AHCYL2: variants seen among roughly 807,000 people sequenced by gnomAD.
AHCYL2 encodes S-adenosylhomocysteine hydrolase-like protein 2.
A neutral mutation model predicts 81.4 loss-of-function variants in AHCYL2; 28 were observed. The ratio of observed to expected loss-of-function variants is 0.34; its 90% confidence interval spans 0.25 to 0.47. AHCYL2 has a LOEUF of 0.47. AHCYL2 is among the 20% of genes least tolerant of loss of function. AHCYL2 has a pLI of 1.00. For synonymous variants in AHCYL2, 272 were observed against 290.2 expected, an observed-to-expected ratio of 0.94 and a Z score of 0.64; for missense variants, 551 against 785.1, an observed-to-expected ratio of 0.70 and a Z score of 3.56.
At chr7:129,379,611 T>C in intron 1 of AHCYL2, 27 bp from the exon 2 acceptor site, 1 of 1,580,614 alleles carries the variant, frequency 6.3e-7, no homozygotes, top group Non-Finnish European at 8.6e-7. Flanking sequence ...TTCTTTTTCT[T>C]TATATAACTA....
At chr7:129,393,343 G>A (rs1033760419) in intron 4 of AHCYL2, among the ~76,000 whole-genome samples, 7 of 152,158 alleles carry the variant, frequency 4.6e-5, no homozygotes, top group East Asian at 1.9e-4. Context: ...GATTGAGCCC[G>A]AAAGGTCGAG....
At chr7:129,320,487 T>C (rs1406060379) in intron 1 of AHCYL2, among the ~76,000 whole-genome samples, 1 of 152,142 alleles carries the variant, frequency 6.6e-6, no homozygotes, top group East Asian at 1.9e-4. Context: ...TAGCTAATTT[T>C]TGTATTTTTA....
At position 129,255,678 on chromosome 7, in the gene AHCYL2, A is replaced by G. The variant is rs1481384929; in HGVS notation, c.363+30239A>G. 2.6e-5 allele frequency among the ~76,000 whole-genome samples: 4 copies of G among 152,312 alleles called. No individual in the cohort carries two copies. In the East Asian group the frequency reaches 5.8e-4, roughly 22 times the overall value. ...GGGTTGATGAACTCAACGGAAGTTGATGTGAATAAAAATGAAAATGAGGGC... is the reference window on the plus strand; with the variant it reads ...GGGTTGATGAACTCAACGGAAGTTGGTGTGAATAAAAATGAAAATGAGGGC... On this transcript the variant is annotated intron_variant, in intron 1 of 16. Transcript: ENST00000325006.
chr7:129,273,823 G>T (rs1482306390), intron 1 of AHCYL2, among the ~76,000 whole-genome samples: 1 of 152,070 alleles, frequency 6.6e-6, no homozygotes, highest in African/African-American at 2.4e-5. Context: ...TTGTCTGCTG[G>T]AGTGAATCCC....
chr7:129,290,541 C>A (rs1796807618), intron 1 of AHCYL2, among the ~76,000 whole-genome samples: 1 of 149,826 alleles, frequency 6.7e-6, no homozygotes, highest in Admixed American at 6.7e-5. Flanking sequence ...GACAGAGGAG[C>A]AAAGTCCAGT....
chr7:129,359,027 A>G (rs1226835301), intron 1 of AHCYL2, among the ~76,000 whole-genome samples: 1 of 152,234 alleles, frequency 6.6e-6, no homozygotes, highest in Non-Finnish European at 1.5e-5. Flanking sequence ...AAATATTTTC[A>G]TATGGGTACC....
chr7:129,405,523 G>GA (rs1056474661), intron 8 of AHCYL2: 43 of 355,956 alleles, frequency 1.2e-4, no homozygotes, highest in Non-Finnish European at 1.6e-4. Context: ...AAAAAAAAAG[G>GA]AAAAAAACCC....
At chr7:129,273,108 G>C (rs2150730669) in intron 1 of AHCYL2, among the ~76,000 whole-genome samples, 1 of 152,004 alleles carries the variant, frequency 6.6e-6, no homozygotes, top group South Asian at 2.1e-4. Context: ...CACCATATCA[G>C]CCAGGCTGGT....
chr7:129,294,525 A>T (rs1241184876), intron 1 of AHCYL2, among the ~76,000 whole-genome samples: 2 of 152,218 alleles, frequency 1.3e-5, no homozygotes, highest in African/African-American at 4.8e-5. Context: ...CTGATACAGC[A>T]ATTGAAGCCA....
At chr7:129,377,407 T>C in intron 1 of AHCYL2, 1 of 345,212 alleles carries the variant, frequency 2.9e-6, no homozygotes, top group Admixed American at 3.1e-5. Flanking sequence ...CCTAAAGCAC[T>C]CTGTAGGCTT....
At chr7:129,354,531 G>A (rs1024510710) in intron 1 of AHCYL2, among the ~76,000 whole-genome samples, 2 of 152,198 alleles carry the variant, frequency 1.3e-5, no homozygotes, top group African/African-American at 4.8e-5. Flanking sequence ...GTTTTCAGCA[G>A]CAGAACAGTC....
In AHCYL2 at chr7:129,348,393, AC is replaced by A. The variant is rs567237209; in HGVS notation, c.364-31235del. ...CATCTGTGTAGAAAAAGAAACAATA[AC>A]CCCCCCCCCACACACACACATACAT... On this transcript the variant is annotated intron_variant, in intron 1 of 16. Transcript: ENST00000325006. 3.4e-3 allele frequency among the ~76,000 whole-genome samples: 470 copies of A among 136,442 alleles called. 4 individuals carry two copies. Among genetic ancestry groups the A allele is most frequent in the South Asian group, 0.013 (49 of 3,726 alleles). 89.5% of individuals were successfully genotyped at this position (136,442 alleles called of 152,430 possible). A position where few individuals can be genotyped will look rare whatever the true frequency, so the allele number is the denominator to read the frequency against.
intron 13 of AHCYL2, among the ~76,000 whole-genome samples, chr7:129,423,411 A>T (rs1797207698): frequency 6.6e-6 from 1 of 152,184 alleles, no homozygotes; most frequent in South Asian, 2.1e-4. Flanking sequence ...AGTAGTAGGT[A>T]CCTACCTAGA....
intron 1 of AHCYL2, among the ~76,000 whole-genome samples, chr7:129,347,454 C>G (rs1793402784): frequency 6.6e-6 from 1 of 152,054 alleles, no homozygotes; most frequent in South Asian, 2.1e-4. Flanking sequence ...CTTTAAACGT[C>G]TATTTTTAAA....
intron 1 of AHCYL2, among the ~76,000 whole-genome samples, chr7:129,323,728 A>G (rs1798117370): frequency 1.3e-5 from 2 of 152,170 alleles, no homozygotes; most frequent in Non-Finnish European, 1.5e-5. Context: ...ATGTATTTGA[A>G]ACTTAGTTAT....
chr7:129,236,361 T>C (rs1337272265), intron 1 of AHCYL2, among the ~76,000 whole-genome samples: 1 of 151,592 alleles, frequency 6.6e-6, no homozygotes, highest in Non-Finnish European at 1.5e-5. Flanking sequence ...CCACCACCCC[T>C]AGCTAATTTT....
chr7:129,423,170 A>G (rs1237596186), intron 13 of AHCYL2, among the ~76,000 whole-genome samples: 2 of 152,212 alleles, frequency 1.3e-5, no homozygotes, highest in Non-Finnish European at 2.9e-5. Context: ...GTCAATCCAC[A>G]GGTTGAGTTA....
intron 1 of AHCYL2, among the ~76,000 whole-genome samples, chr7:129,285,903 G>T (rs1164104397): frequency 6.6e-6 from 1 of 151,662 alleles, no homozygotes; most frequent in African/African-American, 2.4e-5. Context: ...TAGAGGCAGG[G>T]GTCTCTCTTT....
At chr7:129,307,483 A>C (rs927154733) in intron 1 of AHCYL2, among the ~76,000 whole-genome samples, 4 of 151,726 alleles carry the variant, frequency 2.6e-5, no homozygotes, top group Admixed American at 1.3e-4. Flanking sequence ...CCAGGCCTAG[A>C]ACTCACCCTT....
Sources: allele counts gnomAD v4.1 joint callset (sites outside exome capture counted in the v4.1 genomes callset), GRCh38; gene constraint gnomAD v4.1.1; transcripts MANE v1.5; gene names NCBI Gene and HGNC (gene_info 2026-07-23, HGNC 2026-07-21).